The following CELF4 variants were observed in gnomAD, a reference collection of about 807,000 sequenced individuals.
CELF4 encodes CUGBP Elav-like family member 4, also known as CUG-BP- and ETR-3-like factor 4.
CELF4 carries 18 observed loss-of-function variants against 59.9 expected under a neutral mutation model. The observed-to-expected ratio is 0.30, with a 90% CI of 0.21 to 0.45. CELF4 has a LOEUF of 0.45. Among genes scored for constraint, CELF4 ranks in the 20% least tolerant of loss-of-function variants. The pLI, the probability that CELF4 is intolerant of heterozygous loss-of-function variation, is 1.00. For synonymous variants in CELF4, 261 were observed against 267.1 expected (o/e 0.98, Z 0.22); for missense variants, 456 against 689.0 (o/e 0.66, Z 3.79).
intron 1 of CELF4, among the ~76,000 whole-genome samples, chr18:37,555,289 T>C (rs1317978502): frequency 1.3e-5 from 2 of 152,218 alleles, no homozygotes; most frequent in Non-Finnish European, 2.9e-5. Context: ...GGATGCATAA[T>C]GGTTAGGGGA....
intron 5 of CELF4, 91 bp downstream of exon 5, chr18:37,274,714 T>C (rs1296403877): frequency 5.3e-6 from 8 of 1,515,830 alleles, no homozygotes; most frequent in Non-Finnish European, 7.0e-6. Context: ...TCCTGTCTCT[T>C]GGGGAGACTG....
chr18:37,411,157 A>G (rs541662427), intron 2 of CELF4, among the ~76,000 whole-genome samples: 1 of 151,930 alleles, frequency 6.6e-6, no homozygotes, highest in African/African-American at 2.4e-5. Context: ...GGGTCTCACT[A>G]TGTGCCCAAG....
At chr18:37,298,493 G>A (rs142754676) in intron 3 of CELF4, among the ~76,000 whole-genome samples, 3 of 152,294 alleles carry the variant, frequency 2.0e-5, no homozygotes, top group African/African-American at 7.2e-5. Flanking sequence ...GCCGAGGTGG[G>A]TGGATCACTT....
At chr18:37,383,685 G>C (rs1396285335) in intron 2 of CELF4, among the ~76,000 whole-genome samples, 1 of 152,182 alleles carries the variant, frequency 6.6e-6, no homozygotes, top group Non-Finnish European at 1.5e-5. Flanking sequence ...TGATTCCCAT[G>C]ATAGTCTTGT....
rs566863104 is a variant in CELF4 at position 37,517,987 on chromosome 18, T to C, written c.287-32380A>G. On this transcript the variant is annotated intron_variant, in intron 1 of 12. Coordinates refer to ENST00000420428, the MANE Select transcript of CELF4 (RefSeq NM_020180.4). ...AAGTCTGTAATGGTGCAATAGATGATGTTAGAACAGTGGGGGTCCCCCTCC... is the reference window on the plus strand; with the variant it reads ...AAGTCTGTAATGGTGCAATAGATGACGTTAGAACAGTGGGGGTCCCCCTCC... Among the ~76,000 whole-genome samples the C allele has an allele frequency of 6.8e-4, 104 of 152,270 alleles. 1 individual carries two copies. Among genetic ancestry groups the C allele is most frequent in the Non-Finnish European group, 1.2e-3 (82 of 67,992 alleles).
chr18:37,266,811 C>T (rs2077823669), intron 8 of CELF4, among the ~76,000 whole-genome samples: 1 of 152,170 alleles, frequency 6.6e-6, no homozygotes, highest in African/African-American at 2.4e-5. Context: ...AGACAGTTGC[C>T]CACCCTGGCT....
chr18:37,262,002 G>A (rs1376910595), intron 10 of CELF4, among the ~76,000 whole-genome samples: 1 of 152,126 alleles, frequency 6.6e-6, no homozygotes, highest in Non-Finnish European at 1.5e-5. Flanking sequence ...CACGGCTTTG[G>A]CCAGGCTCCA....
chr18:37,497,029 C>T (rs981399612), intron 1 of CELF4, among the ~76,000 whole-genome samples: 4 of 152,150 alleles, frequency 2.6e-5, no homozygotes, highest in African/African-American at 9.7e-5. Flanking sequence ...AGTCATCCTG[C>T]AATCATTGCT....
In CELF4 at chr18:37,397,430, A is replaced by G. The variant is rs116844763; in HGVS notation, c.370-75549T>C. ...AGCTGGGCTGGGCAAGGGCAGGACC[A>G]TCTGGGTTGCCCTGGGTACCCAGGA... On this transcript the variant is annotated intron_variant, in intron 2 of 12. Coordinates refer to ENST00000420428, the MANE Select transcript of CELF4 (RefSeq NM_020180.4). Among the ~76,000 whole-genome samples, 509 of 152,284 alleles carry G rather than the reference A, an allele frequency of 3.3e-3. 2 individuals carry two copies. Among genetic ancestry groups the G allele is most frequent in the Non-Finnish European group, 5.5e-3 (377 of 68,026 alleles).
At chr18:37,344,581 A>G (rs2098179364) in intron 2 of CELF4, among the ~76,000 whole-genome samples, 1 of 152,250 alleles carries the variant, frequency 6.6e-6, no homozygotes. Context: ...AGGTGAGGAA[A>G]GGCTCTGGTG....
At chr18:37,522,358 C>A (rs1304832492) in intron 1 of CELF4, among the ~76,000 whole-genome samples, 2 of 152,134 alleles carry the variant, frequency 1.3e-5, no homozygotes, top group Admixed American at 1.3e-4. Flanking sequence ...AGGGACCATG[C>A]ATCTCCCTGC....
chr18:37,544,028 C>G (rs921749021), intron 1 of CELF4, among the ~76,000 whole-genome samples: 9 of 152,040 alleles, frequency 5.9e-5, no homozygotes, highest in African/African-American at 2.2e-4. Flanking sequence ...AGAGGGTACC[C>G]CAGGTGGGGG....
At chr18:37,478,861 G>T (rs1354689872) in intron 2 of CELF4, among the ~76,000 whole-genome samples, 1 of 152,218 alleles carries the variant, frequency 6.6e-6, no homozygotes, top group Non-Finnish European at 1.5e-5. Flanking sequence ...CTGTGGTGAA[G>T]GTCCTGTTTG....
At chr18:37,299,100 G>A (rs925824280) in intron 3 of CELF4, among the ~76,000 whole-genome samples, 1 of 152,190 alleles carries the variant, frequency 6.6e-6, no homozygotes, top group East Asian at 1.9e-4. Context: ...ATCCGAGCAG[G>A]CAATGCTGGG....
At chr18:37,429,542 C>T (rs1231740594) in intron 2 of CELF4, among the ~76,000 whole-genome samples, 1 of 152,180 alleles carries the variant, frequency 6.6e-6, no homozygotes, top group African/African-American at 2.4e-5. Context: ...CTGTTTCATG[C>T]AGCATCTGCT....
intron 11 of CELF4, chr18:37,258,951 CA>C: frequency 3.4e-6 from 2 of 582,224 alleles, no homozygotes; most frequent in Non-Finnish European, 6.0e-6. Context: ...AGCCAAGAAG[CA>C]AAAGGAGTAG....
At chr18:37,260,386 T>C (rs1318263353) in intron 10 of CELF4, among the ~76,000 whole-genome samples, 2 of 152,210 alleles carry the variant, frequency 1.3e-5, no homozygotes, top group African/African-American at 4.8e-5. Flanking sequence ...ATATGCCACA[T>C]ATAATTTCAT....
chr18:37,296,181 G>A (rs2095629127), intron 3 of CELF4, among the ~76,000 whole-genome samples: 1 of 152,120 alleles, frequency 6.6e-6, no homozygotes, highest in Non-Finnish European at 1.5e-5. Flanking sequence ...TTTGAGACAG[G>A]GTCTGGCCCT....
chr18:37,255,838 A>G (rs1282985568), intron 11 of CELF4, among the ~76,000 whole-genome samples: 1 of 152,124 alleles, frequency 6.6e-6, no homozygotes, highest in African/African-American at 2.4e-5. Flanking sequence ...GAAAGAAGAT[A>G]AAAAGGGCTG....
Sources: allele counts gnomAD v4.1 joint callset (sites outside exome capture counted in the v4.1 genomes callset), GRCh38; gene constraint gnomAD v4.1.1; transcripts MANE v1.5; gene names NCBI Gene and HGNC (gene_info 2026-07-23, HGNC 2026-07-21).